ADCY2: variants seen among roughly 807,000 people sequenced by gnomAD.
The protein encoded by ADCY2 is adenylate cyclase 2, also known as adenylate cyclase type 2.
Under a neutral mutation model 125.2 loss-of-function variants are expected in ADCY2, and 31 were observed. The ratio of observed to expected loss-of-function variants is 0.25; its 90% CI spans 0.19 to 0.33. The LOEUF (loss-of-function observed/expected upper bound fraction) is 0.33. Among genes scored for constraint, ADCY2 ranks in the 10% least tolerant of loss-of-function variants. The pLI is 1.00. For synonymous variants in ADCY2, 512 were observed against 548.4 expected (o/e 0.93, Z 0.93); for missense variants, 904 against 1,418.2 (o/e 0.64, Z 5.82).
At chr5:7,490,375 C>T (rs1743116427) in intron 2 of ADCY2, among the ~76,000 whole-genome samples, 1 of 152,082 alleles carries the variant, frequency 6.6e-6, no homozygotes, top group Admixed American at 6.6e-5. Context: ...GCCTCACCCA[C>T]TCATGACCCC....
chr5:7,589,731 C>T (rs905784024), intron 3 of ADCY2, among the ~76,000 whole-genome samples: 1 of 152,084 alleles, frequency 6.6e-6, no homozygotes, highest in Non-Finnish European at 1.5e-5. Context: ...AAGGGTTTCC[C>T]TCTTGCTCCT....
intron 3 of ADCY2, among the ~76,000 whole-genome samples, chr5:7,586,763 G>A (rs183845567): frequency 3.9e-5 from 6 of 152,224 alleles, no homozygotes; most frequent in African/African-American, 7.2e-5. Flanking sequence ...ATAGGTGAGC[G>A]TTGGGGAGTC....
intron 14 of ADCY2, among the ~76,000 whole-genome samples, chr5:7,728,903 G>T (rs559196715): frequency 1.1e-3 from 173 of 152,228 alleles, no homozygotes; most frequent in East Asian, 3.1e-3. Context: ...CAGGAAAAAC[G>T]TTTCATGGGA....
intron 2 of ADCY2, among the ~76,000 whole-genome samples, chr5:7,481,867 A>G (rs1742744827): frequency 6.6e-6 from 1 of 151,952 alleles, no homozygotes; most frequent in African/African-American, 2.4e-5. Context: ...CTTGTGAGGT[A>G]TTACTCAAGA....
rs56685274 is a variant in ADCY2 at position 7,601,994 on chromosome 5, T to C, written c.571-24173T>C. 7.9e-3 allele frequency among the ~76,000 whole-genome samples: 1,205 copies of C among 152,316 alleles called. 18 individuals carry two copies. The highest frequency in any genetic ancestry group is 0.027 in the African/African-American group (1,135 of 41,568). On this transcript the variant is annotated intron_variant, in intron 3 of 24. Transcript: ENST00000338316. The stretch of plus-strand genomic sequence containing the variant: ...ATCTTCCCTTCTCTCTTCCAGCTTC[T>C]GGTGATGCTGGGTGGTCTGTGACTT...
intron 2 of ADCY2, 70 bp from the exon 3 acceptor site, chr5:7,520,668 C>G (rs7714705): frequency 0.12 from 189,098 of 1,554,834 alleles, 12,658 homozygotes; most frequent in African/African-American, 0.18. Context: ...CCTTTAGTGG[C>G]ATGGAAACAG....
intron 2 of ADCY2, among the ~76,000 whole-genome samples, chr5:7,459,772 ATTTTTTTTT>A (rs3033085): frequency 5.6e-4 from 41 of 72,862 alleles, no homozygotes; most frequent in Admixed American, 7.7e-4. Context: ...TTAAGAGGTA[ATTTTTTTTT>A]TTTTTTTTTT....
chr5:7,414,133 A>C (rs1286474019), intron 1 of ADCY2, among the ~76,000 whole-genome samples: 4 of 152,214 alleles, frequency 2.6e-5, no homozygotes, highest in Non-Finnish European at 4.4e-5. Flanking sequence ...TCACCATAAA[A>C]ACAGATAATT....
chr5:7,618,843 G>T (rs985552804), intron 3 of ADCY2, among the ~76,000 whole-genome samples: 5 of 152,150 alleles, frequency 3.3e-5, no homozygotes, highest in African/African-American at 1.2e-4. Context: ...TAGGAGAGCT[G>T]ATTTAAGACT....
At chr5:7,730,203 A>C (rs1742058732) in intron 14 of ADCY2, among the ~76,000 whole-genome samples, 1 of 152,206 alleles carries the variant, frequency 6.6e-6, no homozygotes, top group African/African-American at 2.4e-5. Flanking sequence ...GTTGCTGCAA[A>C]AGATATTATT....
chr5:7,675,113 G>C (rs964204816), intron 4 of ADCY2, among the ~76,000 whole-genome samples: 8 of 151,170 alleles, frequency 5.3e-5, no homozygotes, highest in African/African-American at 1.9e-4. Context: ...AGCCGAGATA[G>C]CGCCACTGCA....
chr5:7,476,314 C>T (rs1742522398), intron 2 of ADCY2, among the ~76,000 whole-genome samples: 1 of 151,928 alleles, frequency 6.6e-6, no homozygotes, highest in South Asian at 2.1e-4. Context: ...AAGACCCAGC[C>T]CACAGGCCAG....
rs116649105 is a variant in ADCY2, at chr5:7,745,249, G to T, written c.1956+1497G>T. On this transcript the variant is annotated intron_variant, in intron 15 of 24. Transcript: ENST00000338316. ...GATGTGCTGAAAGGCTTTGGCCAAG[G>T]GTGGTTAAGATTCCAAAGCTTGTCT... is the stretch of plus-strand genomic sequence containing the variant. Among the ~76,000 whole-genome samples, 1,043 of 152,288 alleles carry T rather than the reference G, an allele frequency of 6.8e-3. 5 individuals are homozygous for T. Among genetic ancestry groups the T allele is most frequent in the Non-Finnish European group, 0.011 (731 of 68,022 alleles).
intron 2 of ADCY2, among the ~76,000 whole-genome samples, chr5:7,461,879 C>A (rs60531212): frequency 6.6e-6 from 1 of 152,192 alleles, no homozygotes. Flanking sequence ...GTTTAGATCT[C>A]ATATTTAAGC....
At chr5:7,462,776 T>G (rs1579467767) in intron 2 of ADCY2, among the ~76,000 whole-genome samples, 1 of 152,350 alleles carries the variant, frequency 6.6e-6, no homozygotes, top group South Asian at 2.1e-4. Flanking sequence ...GTTAGGCAGG[T>G]TTTCCTATTT....
intron 2 of ADCY2, among the ~76,000 whole-genome samples, chr5:7,449,337 A>G (rs1376602162): frequency 2.6e-5 from 4 of 152,244 alleles, no homozygotes; most frequent in Non-Finnish European, 5.9e-5. Flanking sequence ...ACTGAGAAAC[A>G]AAAACATGAT....
chr5:7,660,964 C>T (rs111261423), intron 4 of ADCY2, among the ~76,000 whole-genome samples: 1,686 of 152,210 alleles, frequency 0.011, 14 homozygotes, highest in South Asian at 0.031. Context: ...TCCAGTGTCC[C>T]AACACCAAGC....
chr5:7,645,534 C>T (rs1361481345), intron 4 of ADCY2, among the ~76,000 whole-genome samples: 1 of 151,018 alleles, frequency 6.6e-6, no homozygotes, highest in East Asian at 1.9e-4. Flanking sequence ...GGTATAAGAA[C>T]TTTGGGAAGG....
At chr5:7,686,757 G>A (rs1740533754) in intron 4 of ADCY2, among the ~76,000 whole-genome samples, 1 of 152,166 alleles carries the variant, frequency 6.6e-6, no homozygotes. Flanking sequence ...AAATATTAAT[G>A]GAATTATTAA....
Sources: gnomAD v4.1 joint callset for allele counts (sites outside exome capture counted in the v4.1 genomes callset) on GRCh38, gnomAD v4.1.1 for gene constraint, MANE v1.5 for transcripts, NCBI Gene and HGNC (gene_info 2026-07-23, HGNC 2026-07-21) for gene names.